The following ATG5 variants were observed in gnomAD, a reference collection of about 807,000 sequenced individuals.
The protein encoded by ATG5 is autophagy protein 5.
ATG5 carries 14 observed loss-of-function variants against 36.5 expected under a neutral mutation model. That is an observed-to-expected ratio of 0.38 (90% CI 0.25 to 0.60). The LOEUF (loss-of-function observed/expected upper bound fraction) is 0.60. ATG5 is among the 20% of genes least tolerant of loss of function. The pLI is 0.60. For missense variants in ATG5, 195 were observed against 326.7 expected, an observed-to-expected ratio of 0.60 and a Z score of 3.11; for synonymous variants, 95 against 101.5, an observed-to-expected ratio of 0.94 and a Z score of 0.38.
chr6:106,195,486 A>G (rs955326479), intron 7 of ATG5, among the ~76,000 whole-genome samples: 1 of 152,126 alleles, frequency 6.6e-6, no homozygotes, highest in African/African-American at 2.4e-5. Context: ...CTCTACATAG[A>G]TTTTTAAATG....
rs185226295 is a variant in ATG5, at chr6:106,217,924, T to A, written c.574-15835A>T. Among the ~76,000 whole-genome samples, 109 of 152,330 alleles carry A rather than the reference T, an allele frequency of 7.2e-4. 1 individual carries two copies. Among genetic ancestry groups the A allele is most frequent in the African/African-American group, 2.4e-3 (101 of 41,600 alleles). On this transcript the variant is annotated intron_variant, in intron 6 of 7. Coordinates refer to ENST00000369076, the MANE Select transcript of ATG5 (RefSeq NM_004849.4). ...CACCAATTCATCAAGTCAAATTATA[T>A]GCTTATTTTCCACAATGGAAGTTTT...
chr6:106,202,675 T>C (rs1320323556), intron 6 of ATG5, among the ~76,000 whole-genome samples: 1 of 152,200 alleles, frequency 6.6e-6, no homozygotes, highest in Non-Finnish European at 1.5e-5. Flanking sequence ...CTTTCTCTTT[T>C]TTTGGAGACA....
intron 6 of ATG5, among the ~76,000 whole-genome samples, chr6:106,218,315 CAAAT>C (rs948365800): frequency 2.9e-4 from 44 of 152,182 alleles, no homozygotes; most frequent in African/African-American, 1.0e-3. Flanking sequence ...GTGTTTTATT[CAAAT>C]AATTTTATTT....
chr6:106,262,180 C>G (rs530818517), intron 5 of ATG5, among the ~76,000 whole-genome samples: 22 of 152,324 alleles, frequency 1.4e-4, no homozygotes, highest in Admixed American at 1.3e-3. Context: ...TCAAGTGATT[C>G]TCCTGCCTCA....
At chr6:106,265,514 C>A (rs541325566) in intron 5 of ATG5, among the ~76,000 whole-genome samples, 3 of 152,278 alleles carry the variant, frequency 2.0e-5, no homozygotes, top group African/African-American at 4.8e-5. Context: ...TAATAGACAT[C>A]AACAGAACTC....
At chr6:106,253,428 C>T (rs2743564) in intron 5 of ATG5, among the ~76,000 whole-genome samples, 12,850 of 152,230 alleles carry the variant, frequency 0.084, 568 homozygotes, top group South Asian at 0.13. Context: ...CAGTGAATCA[C>T]AAAAGCAATA....
At chr6:106,204,119 CT>C in intron 6 of ATG5, among the ~76,000 whole-genome samples, 1 of 152,170 alleles carries the variant, frequency 6.6e-6, no homozygotes, top group East Asian at 1.9e-4. Context: ...GGAGAAATAC[CT>C]AACGTAGATG....
intron 6 of ATG5, among the ~76,000 whole-genome samples, chr6:106,220,871 G>T (rs1419473463): frequency 6.6e-6 from 1 of 152,182 alleles, no homozygotes; most frequent in African/African-American, 2.4e-5. Context: ...ACCCTAAGGG[G>T]CATCATTCTG....
At chr6:106,214,300 AG>A (rs1776959260) in intron 6 of ATG5, among the ~76,000 whole-genome samples, 1 of 152,174 alleles carries the variant, frequency 6.6e-6, no homozygotes, top group Non-Finnish European at 1.5e-5. Context: ...TTTTGGTGGT[AG>A]AAAGAGGGGG....
intron 6 of ATG5, among the ~76,000 whole-genome samples, chr6:106,218,251 T>A (rs1777114669): frequency 6.6e-6 from 1 of 152,158 alleles, no homozygotes; most frequent in Non-Finnish European, 1.5e-5. Context: ...TGAATAACTA[T>A]CAACCAAACT....
intron 6 of ATG5, among the ~76,000 whole-genome samples, chr6:106,243,396 C>G (rs572097973): frequency 1.6e-4 from 25 of 151,720 alleles, no homozygotes; most frequent in Middle Eastern, 3.4e-3. Context: ...CCAGGCATGG[C>G]ACATGCCTGT....
In ATG5 at chr6:106,304,092, A is replaced by C. The variant is rs75144586; in HGVS notation, c.236+4272T>G. 446 of 152,286 alleles carry C rather than the reference A, an allele frequency of 2.9e-3. 2 individuals are homozygous for C. The highest frequency in any genetic ancestry group is 0.01 in the African/African-American group (417 of 41,570). 9.4% of individuals were successfully genotyped at this position (152,286 alleles called of 1,614,324 possible). ...AAACCCCAAAGGATCTACCAAAAAAACACCTAGAACTAGTGTGTGAGTTCA... is the reference window on the plus strand; with the variant it reads ...AAACCCCAAAGGATCTACCAAAAAACCACCTAGAACTAGTGTGTGAGTTCA... On this transcript the variant is annotated intron_variant, in intron 3 of 7. Coordinates refer to ENST00000369076, the MANE Select transcript of ATG5 (RefSeq NM_004849.4).
intron 5 of ATG5, among the ~76,000 whole-genome samples, chr6:106,273,290 CTT>C (rs1214584104): frequency 1.3e-5 from 2 of 152,140 alleles, no homozygotes; most frequent in East Asian, 3.8e-4. Flanking sequence ...TCTAAAAACT[CTT>C]GTTTCTGTTT....
At chr6:106,201,873 A>T in intron 7 of ATG5, 99 bp downstream of exon 7, 1 of 840,426 alleles carries the variant, frequency 1.2e-6, no homozygotes, top group Non-Finnish European at 1.8e-6. Context: ...ATATGAAAAT[A>T]TCTTCCTGAA....
At chr6:106,288,976 G>A (rs2114621608) in intron 4 of ATG5, among the ~76,000 whole-genome samples, 1 of 152,042 alleles carries the variant, frequency 6.6e-6, no homozygotes, top group Admixed American at 6.6e-5. Flanking sequence ...TCTCTTAGAA[G>A]CTTTGATATT....
At position 106,192,997 on chromosome 6, in the gene ATG5, G is replaced by A. The variant is rs533561043; in HGVS notation, c.692-6321C>T. 3.9e-5 allele frequency among the ~76,000 whole-genome samples: 6 copies of A among 152,332 alleles called. No individual in the cohort carries two copies. The South Asian group carries it at 1.2e-3, about 32-fold the overall frequency. On this transcript the variant is annotated intron_variant, in intron 7 of 7. Coordinates refer to ENST00000369076, the MANE Select transcript of ATG5 (RefSeq NM_004849.4). ...TAATAGTCAGCGAGGTCAGGTCAAAGAGGGTTAAACCAAGCCAGGATATAG... is the reference window on the plus strand; with the variant it reads ...TAATAGTCAGCGAGGTCAGGTCAAAAAGGGTTAAACCAAGCCAGGATATAG...
At chr6:106,308,516 T>C in intron 2 of ATG5, 25 bp from the exon 3 acceptor site, 1 of 1,494,804 alleles carries the variant, frequency 6.7e-7, no homozygotes, top group African/African-American at 1.4e-5. Context: ...TGTAAAACCG[T>C]ATTTATTTAC....
chr6:106,298,740 A>T (rs938717616), intron 3 of ATG5, among the ~76,000 whole-genome samples: 6 of 152,194 alleles, frequency 3.9e-5, no homozygotes, highest in African/African-American at 1.4e-4. Context: ...TTATGTTAGA[A>T]TTATTTTCAT....
At chr6:106,283,022 T>G (rs1779940563) in intron 4 of ATG5, among the ~76,000 whole-genome samples, 1 of 151,838 alleles carries the variant, frequency 6.6e-6, no homozygotes. Flanking sequence ...AACTTCTGGG[T>G]TCAAGTAATC....
Sources: allele counts gnomAD v4.1 joint callset (sites outside exome capture counted in the v4.1 genomes callset), GRCh38; gene constraint gnomAD v4.1.1; transcripts MANE v1.5; gene names NCBI Gene and HGNC (gene_info 2026-07-23, HGNC 2026-07-21).